Variants in OSMR observed in about 807,000 individuals in gnomAD.
The protein encoded by OSMR is oncostatin-M-specific receptor subunit beta.
A neutral mutation model predicts 99.9 loss-of-function variants in OSMR; 81 were observed. That is an observed-to-expected ratio of 0.81 (90% CI 0.68 to 0.97). The LOEUF (loss-of-function observed/expected upper bound fraction) is 0.97. OSMR is among the 50% of genes least tolerant of loss of function. OSMR has a pLI of 0.00. For missense variants in OSMR, 1,099 were observed against 1,153.4 expected (o/e 0.95, Z 0.68); for synonymous variants, 406 against 410.4 (o/e 0.99, Z 0.13).
At chr5:38,855,873 G>A (rs894913490) in intron 1 of OSMR, among the ~76,000 whole-genome samples, 3 of 152,116 alleles carry the variant, frequency 2.0e-5, no homozygotes, top group Non-Finnish European at 4.4e-5. Context: ...CAGAGCAGAA[G>A]CCCAGTTTCT....
rs1746828394 is a variant in OSMR, at chr5:38,932,910, T to C, written c.2406T>C (p.Cys802=). The C allele has an allele frequency of 6.2e-7, 1 of 1,614,000 alleles. No homozygotes were observed. Among genetic ancestry groups the C allele is most frequent in the African/African-American group, 1.3e-5 (1 of 74,948 alleles). Residue 802 remains cysteine, a synonymous_variant, in exon 18 of 18, where the codon TGT becomes TGC. Transcript: ENST00000274276. ...PHLIIMNVSD[C]IPDAIEVVSK... ...TAATAATAATGAATGTCAGTGACTG[T>C]ATCCCAGATGCTATTGAAGTTGTAA...
intron 3 of OSMR, among the ~76,000 whole-genome samples, chr5:38,879,241 G>C (rs1044803982): frequency 7.9e-5 from 12 of 152,364 alleles, no homozygotes; most frequent in African/African-American, 2.6e-4. Flanking sequence ...GAATTTCCAG[G>C]CCTGAAAGCC....
intron 2 of OSMR, among the ~76,000 whole-genome samples, chr5:38,870,147 T>C (rs1742266994): frequency 6.6e-6 from 1 of 152,162 alleles, no homozygotes; most frequent in Admixed American, 6.5e-5. Flanking sequence ...TACTATGCTG[T>C]TTCTTTCAGC....
intron 1 of OSMR, among the ~76,000 whole-genome samples, chr5:38,862,203 C>T (rs1283374438): frequency 6.1e-5 from 7 of 114,770 alleles, no homozygotes; most frequent in African/African-American, 1.0e-4. Flanking sequence ...CGGGCAGAGG[C>T]GCCCCTCACC....
intron 2 of OSMR, among the ~76,000 whole-genome samples, chr5:38,869,976 G>A (rs1190981570): frequency 6.6e-6 from 1 of 152,026 alleles, no homozygotes; most frequent in Non-Finnish European, 1.5e-5. Context: ...AATGATCTTT[G>A]CGGGGAATAT....
At chr5:38,852,718 A>ATTTTT (rs61559728) in intron 1 of OSMR, among the ~76,000 whole-genome samples, 713 of 70,648 alleles carry the variant, frequency 0.01, 143 homozygotes, top group African/African-American at 0.013. Context: ...TATTGTTTTC[A>ATTTTT]TTTTTTTTTT....
At chr5:38,910,574 C>T (rs117444967) in intron 9 of OSMR, among the ~76,000 whole-genome samples, 41 of 152,194 alleles carry the variant, frequency 2.7e-4, no homozygotes, top group East Asian at 1.4e-3. Context: ...CAAAACCACC[C>T]GATTACATGG....
chr5:38,919,008 A>C lies in OSMR; in HGVS notation c.1531A>C (p.Ser511Arg), dbSNP rs113860395. The change falls in exon 11 of 18, where the codon AGT becomes CGT. Residue 511 changes from serine (S) to arginine (R), a missense_variant. By Grantham distance (110) the Ser-to-Arg change is moderately radical (BLOSUM62 -1). Coordinates refer to ENST00000274276, the MANE Select transcript of OSMR (RefSeq NM_003999.3). Reference protein sequence around the residue: ...SYQICVIANNSVGASPASVIV... With the variant: ...SYQICVIANNRVGASPASVIV... ...CCAAATCTGCGTCATAGCCAACAACAGTGTGGGTGCTTCTCCTGCTTCTGT... is the reference window on the plus strand; with the variant it reads ...CCAAATCTGCGTCATAGCCAACAACCGTGTGGGTGCTTCTCCTGCTTCTGT... 4 of 1,614,152 alleles carry C rather than the reference A, an allele frequency of 2.5e-6. No homozygotes were observed.
At chr5:38,910,903 G>A (rs1041430877) in intron 9 of OSMR, among the ~76,000 whole-genome samples, 13 of 152,068 alleles carry the variant, frequency 8.5e-5, no homozygotes, top group Admixed American at 6.6e-5. Flanking sequence ...CCAGCCAGTC[G>A]GGAGGCTGAG....
chr5:38,944,388 T>C, intron 2 of OSMR: 1 of 1,535,704 alleles, frequency 6.5e-7, no homozygotes, highest in Non-Finnish European at 8.9e-7. Context: ...TTCAAGTATC[T>C]TTTCTCGACT....
At chr5:38,923,509 G>T (rs1579800789) in intron 13 of OSMR, among the ~76,000 whole-genome samples, 1 of 152,140 alleles carries the variant, frequency 6.6e-6, no homozygotes, top group South Asian at 2.1e-4. Flanking sequence ...CATTTTAGCT[G>T]AATCTTTGTC....
Position 38,933,204 on chromosome 5 carries a change from C to G in OSMR, c.2700C>G (p.Asn900Lys). 6.2e-7 allele frequency: 1 copy of G among 1,614,144 alleles called. No homozygotes were observed. Among genetic ancestry groups the G allele is most frequent in the Non-Finnish European group, 8.5e-7 (1 of 1,180,002 alleles). The change falls in exon 18 of 18, where the codon AAC becomes AAG. Residue 900 changes from asparagine to lysine, a missense_variant. Transcript: ENST00000274276. ...ATGTACTAAAGGCACTAGAAAAAAA[C>G]TACATGAACTCCCTGGGAGAAATCC... The part of the protein sequence containing the change: ...PENVLKALEK[N>K]YMNSLGEIPA...
rs1232405423 is a variant in OSMR at position 38,934,434 on chromosome 5, T to C, written c.*990T>C. 1.3e-5 allele frequency: 2 copies of C among 152,214 alleles called. No individual in the cohort carries two copies. Among genetic ancestry groups the C allele is most frequent in the Admixed American group, 6.5e-5 (1 of 15,284 alleles). 9.4% of individuals were successfully genotyped at this position (152,214 alleles called of 1,614,324 possible). A position where few individuals can be genotyped will look rare whatever the true frequency, so the allele number is the denominator to read the frequency against. On this transcript the variant is annotated 3_prime_UTR_variant, in exon 18 of 18. Transcript: ENST00000274276. ...TAATTTAGATATAACTAAAAAGTTC[T>C]ATGAAGTGGGAAATTCCGTGTTGGC...
chr5:38,896,166 T>G (rs1579731774), intron 7 of OSMR, among the ~76,000 whole-genome samples: 1 of 152,188 alleles, frequency 6.6e-6, no homozygotes, highest in East Asian at 1.9e-4. Context: ...TTAGGATTGT[T>G]TTTTCTATTT....
downstream of OSMR, chr5:38,939,366 A>G (rs1349037609): frequency 2.2e-5 from 5 of 232,300 alleles, no homozygotes; most frequent in Non-Finnish European, 2.6e-5. Context: ...ATATACTTCC[A>G]AAGAGCCTCT....
chr5:38,855,341 A>G (rs990648775), intron 1 of OSMR, among the ~76,000 whole-genome samples: 3 of 152,148 alleles, frequency 2.0e-5, no homozygotes, highest in Non-Finnish European at 2.9e-5. Flanking sequence ...ATGCCTAGCC[A>G]GGACCACTCC....
chr5:38,877,082 TG>T (rs1742899381), intron 3 of OSMR, among the ~76,000 whole-genome samples: 1 of 152,224 alleles, frequency 6.6e-6, no homozygotes, highest in African/African-American at 2.4e-5. Context: ...ATTTCTCATC[TG>T]GGAACTCTAG....
At chr5:38,938,474 T>C (rs1418620849), downstream of OSMR, 1 of 232,090 alleles carries the variant, frequency 4.3e-6, no homozygotes, top group Admixed American at 5.6e-5. Context: ...AGGTATGCTT[T>C]TTTTGGCATA....
intron 14 of OSMR, among the ~76,000 whole-genome samples, chr5:38,924,819 G>T (rs1363554585): frequency 6.6e-6 from 1 of 151,956 alleles, no homozygotes; most frequent in Non-Finnish European, 1.5e-5. Flanking sequence ...GGTATTTTTA[G>T]AAGCATCTGA....
Sources: allele counts gnomAD v4.1 joint callset (sites outside exome capture counted in the v4.1 genomes callset), GRCh38; gene constraint gnomAD v4.1.1; transcripts MANE v1.5; gene names NCBI Gene and HGNC (gene_info 2026-07-23, HGNC 2026-07-21).